KICS2: variants seen among roughly 807,000 people sequenced by gnomAD.
The protein encoded by KICS2 is KICSTOR subunit 2, also known as KICSTOR complex protein C12orf66.
A neutral mutation model predicts 31.4 loss-of-function variants in KICS2; 13 were observed. That is an observed-to-expected ratio of 0.41 (90% CI 0.27 to 0.66). KICS2 has a LOEUF of 0.66. KICS2 is among the 30% of genes least tolerant of loss of function. The pLI is 0.28. For missense variants in KICS2, 455 were observed against 545.4 expected, an observed-to-expected ratio of 0.83 and a Z score of 1.65; for synonymous variants, 209 against 214.8, an observed-to-expected ratio of 0.97 and a Z score of 0.24.
chr12:64,196,294 T>TGACCCCC (rs1181050476), intron 2 of KICS2, among the ~76,000 whole-genome samples: 72 of 127,758 alleles, frequency 5.6e-4, no homozygotes, highest in African/African-American at 1.9e-3. Context: ...TCCTGACCCC[T>TGACCCCC]GACCCCCGAG....
At chr12:64,187,774 T>C (rs2037349468), downstream of KICS2, 1 of 744,648 alleles carries the variant, frequency 1.3e-6, no homozygotes, top group Admixed American at 3.1e-5. Flanking sequence ...TTTCTTACAT[T>C]TTTACTTGAA....
intron 1 of KICS2, among the ~76,000 whole-genome samples, chr12:64,217,015 T>C (rs929924477): frequency 2.6e-5 from 4 of 152,254 alleles, no homozygotes; most frequent in African/African-American, 9.6e-5. Flanking sequence ...AACATATACC[T>C]GTAATTAGGA....
intron 2 of KICS2, among the ~76,000 whole-genome samples, chr12:64,211,002 A>ACT (rs2037577849): frequency 6.6e-6 from 1 of 152,130 alleles, no homozygotes; most frequent in Admixed American, 6.5e-5. Flanking sequence ...GTTTCTGGGC[A>ACT]CACTAAATTT....
chr12:64,207,127 A>C (rs2037545891), intron 2 of KICS2, among the ~76,000 whole-genome samples: 1 of 151,946 alleles, frequency 6.6e-6, no homozygotes, highest in Admixed American at 6.6e-5. Context: ...CAACACGGCA[A>C]AACCCCATCT....
chr12:64,193,721 T>C lies in KICS2; in HGVS notation c.*121A>G. ...AAGTGTGCAACACAGGGAGGATTTG[T>C]CTTTAATTTAGTTCTGAAAGAGGCA... On this transcript the variant is annotated 3_prime_UTR_variant, in exon 3 of 3. Coordinates refer to ENST00000398055, the MANE Select transcript of KICS2 (RefSeq NM_152440.5). 7 of 1,446,770 alleles carry C rather than the reference T, an allele frequency of 4.8e-6. No homozygotes were observed. Among genetic ancestry groups the C allele is most frequent in the Non-Finnish European group, 6.3e-6 (7 of 1,104,274 alleles). 89.6% of individuals were successfully genotyped at this position (1,446,770 alleles called of 1,614,324 possible).
At chr12:64,190,829 T>C (rs550187583), downstream of KICS2, among the ~76,000 whole-genome samples, 1 of 152,200 alleles carries the variant, frequency 6.6e-6, no homozygotes, top group African/African-American at 2.4e-5. Flanking sequence ...AGCAATTATA[T>C]CAAGGGTATT....
At chr12:64,210,570 G>A (rs991219124) in intron 2 of KICS2, among the ~76,000 whole-genome samples, 3 of 152,138 alleles carry the variant, frequency 2.0e-5, no homozygotes, top group Non-Finnish European at 4.4e-5. Context: ...GGACGCAGGA[G>A]TTCAAGACAA....
intron 2 of KICS2, among the ~76,000 whole-genome samples, chr12:64,212,696 C>A (rs1565719386): frequency 6.6e-6 from 1 of 151,940 alleles, no homozygotes; most frequent in Non-Finnish European, 1.5e-5. Context: ...TGGATATATA[C>A]CTAGGAGTAG....
chr12:64,206,230 AT>A (rs935148930), intron 2 of KICS2, among the ~76,000 whole-genome samples: 20 of 150,978 alleles, frequency 1.3e-4, no homozygotes, highest in African/African-American at 7.3e-5. Flanking sequence ...AAAATGATAA[AT>A]TTTTTTTTTC....
intron 1 of KICS2, among the ~76,000 whole-genome samples, chr12:64,217,929 G>GAAGA (rs1035298326): frequency 1.3e-5 from 2 of 151,440 alleles, no homozygotes; most frequent in Admixed American, 6.6e-5. Context: ...AGGAAGGAAG[G>GAAGA]AAGAAAGAAA....
rs1179019944 is a variant in KICS2, at chr12:64,205,805, G to A, written c.521+9873C>T. ...GGAAGGAAGGAAGGAAGGCAGGTTC[G>A]CTCCATAGAATAGAGGAAAATATAA... On this transcript the variant is annotated intron_variant, in intron 2 of 2. Transcript: ENST00000398055. 3.3e-5 allele frequency among the ~76,000 whole-genome samples: 5 copies of A among 151,996 alleles called. No individual in the cohort carries two copies. In the East Asian group the frequency reaches 5.8e-4, roughly 18 times the overall value.
At chr12:64,214,800 G>C (rs1460706397) in intron 2 of KICS2, among the ~76,000 whole-genome samples, 1 of 152,104 alleles carries the variant, frequency 6.6e-6, no homozygotes, top group African/African-American at 2.4e-5. Flanking sequence ...AAAATCACTT[G>C]AACCCAGGAG....
At chr12:64,188,140 A>G (rs570235459), downstream of KICS2, among the ~76,000 whole-genome samples, 1 of 152,404 alleles carries the variant, frequency 6.6e-6, no homozygotes. Context: ...AAACTGGGTC[A>G]GAGACTACTG....
chr12:64,213,733 CTTTACTCGAAAA>C (rs1398323536), intron 2 of KICS2, among the ~76,000 whole-genome samples: 1 of 152,174 alleles, frequency 6.6e-6, no homozygotes, highest in African/African-American at 2.4e-5. Context: ...CCTGCTAAAT[CTTTACTCGAAAA>C]TCTGCTAGCA....
downstream of KICS2, among the ~76,000 whole-genome samples, chr12:64,189,713 T>C (rs541053749): frequency 3.0e-4 from 46 of 152,050 alleles, 1 homozygote; most frequent in Admixed American, 2.4e-3. Flanking sequence ...ATAAGAAAGC[T>C]GGAAGGGCCA....
At chr12:64,206,471 G>GT (rs1369706912) in intron 2 of KICS2, among the ~76,000 whole-genome samples, 8 of 152,118 alleles carry the variant, frequency 5.3e-5, no homozygotes, top group Non-Finnish European at 2.9e-5. Context: ...GCAGAAGGAG[G>GT]TATTTATAAT....
intron 2 of KICS2, among the ~76,000 whole-genome samples, chr12:64,196,862 G>C (rs1470018140): frequency 6.6e-6 from 1 of 150,666 alleles, no homozygotes; most frequent in Non-Finnish European, 1.5e-5. Flanking sequence ...GATGGAAGAT[G>C]AAATGAATGA....
chr12:64,189,588 T>A (rs1448895058), downstream of KICS2, among the ~76,000 whole-genome samples: 1 of 152,204 alleles, frequency 6.6e-6, no homozygotes, highest in East Asian at 1.9e-4. Context: ...TTCTTTTTAA[T>A]CTGTCTTATC....
At chr12:64,211,464 A>C (rs1309197257) in intron 2 of KICS2, among the ~76,000 whole-genome samples, 1 of 152,042 alleles carries the variant, frequency 6.6e-6, no homozygotes, top group African/African-American at 2.4e-5. Context: ...AAAGATACAA[A>C]AAAAATTAGC....
Sources: allele counts gnomAD v4.1 joint callset (sites outside exome capture counted in the v4.1 genomes callset), GRCh38; gene constraint gnomAD v4.1.1; transcripts MANE v1.5; gene names NCBI Gene and HGNC (gene_info 2026-07-23, HGNC 2026-07-21).